The following RANBP2 variants were observed in gnomAD, a reference collection of about 807,000 sequenced individuals.
The protein encoded by RANBP2 is E3 SUMO-protein ligase RanBP2.
In RANBP2, 57 loss-of-function variants were observed where a neutral mutation model predicts 303.6. The ratio of observed to expected loss-of-function variants is 0.19; its 90% CI spans 0.15 to 0.23. RANBP2 has a LOEUF of 0.23. RANBP2 is among the 10% of genes least tolerant of loss of function. RANBP2 has a pLI of 1.00. For synonymous variants in RANBP2, 1,167 were observed against 1,301.5 expected, an observed-to-expected ratio of 0.90 and a Z score of 2.23; for missense variants, 3,138 against 3,780.8, an observed-to-expected ratio of 0.83 and a Z score of 4.46.
chr2:109,063,865 A>C, the RANBP2 span, among the ~76,000 whole-genome samples: 1 of 151,850 alleles, frequency 6.6e-6, no homozygotes, highest in Non-Finnish European at 1.5e-5. Context: ...CCTTCCCATA[A>C]TACTAAATTG....
chr2:109,432,558 G>A, the RANBP2 span: 1 of 1,613,716 alleles, frequency 6.2e-7, no homozygotes, highest in South Asian at 1.1e-5. Flanking sequence ...AGCTGCACAA[G>A]GGAGAGATGT....
chr2:109,382,145 T>C, the RANBP2 span, among the ~76,000 whole-genome samples: 2 of 152,228 alleles, frequency 1.3e-5, no homozygotes, highest in African/African-American at 4.8e-5. Flanking sequence ...CAGAGGGGTC[T>C]GATAGCACCT....
the RANBP2 span, among the ~76,000 whole-genome samples, chr2:109,035,299 T>C: frequency 1.5e-4 from 23 of 152,248 alleles, no homozygotes; most frequent in South Asian, 1.5e-3. Flanking sequence ...TGTTGACTGC[T>C]GGTTCCCCCA....
chr2:108,780,620 C>G (rs1233904246), intron 25 of RANBP2, among the ~76,000 whole-genome samples: 3 of 151,822 alleles, frequency 2.0e-5, no homozygotes, highest in African/African-American at 7.3e-5. Context: ...ACTTCTGCCC[C>G]CCAGGTTGAA....
the RANBP2 span, among the ~76,000 whole-genome samples, chr2:108,818,092 G>C: frequency 6.6e-6 from 1 of 152,128 alleles, no homozygotes; most frequent in Non-Finnish European, 1.5e-5. Flanking sequence ...GATTGCTTGA[G>C]CCTAGGGGTT....
At chr2:109,200,954 G>A in the RANBP2 span, among the ~76,000 whole-genome samples, 1 of 152,168 alleles carries the variant, frequency 6.6e-6, no homozygotes, top group African/African-American at 2.4e-5. Flanking sequence ...GTGGCCCGGG[G>A]CCCACCCACA....
chr2:109,105,917 A>G, the RANBP2 span, among the ~76,000 whole-genome samples: 2 of 145,448 alleles, frequency 1.4e-5, no homozygotes, highest in African/African-American at 2.6e-5. Context: ...GCAGTGGCAC[A>G]GTCTCGGCTC....
the RANBP2 span, among the ~76,000 whole-genome samples, chr2:108,924,228 G>A: frequency 3.7e-4 from 57 of 152,314 alleles, 1 homozygote; most frequent in African/African-American, 1.1e-3. Flanking sequence ...TGCCAGCCCC[G>A]TGGCTATATG....
At chr2:108,916,925 G>A in the RANBP2 span, among the ~76,000 whole-genome samples, 1 of 152,164 alleles carries the variant, frequency 6.6e-6, no homozygotes, top group Non-Finnish European at 1.5e-5. Flanking sequence ...TGCCCAAGGA[G>A]CAGGAGGACA....
the RANBP2 span, among the ~76,000 whole-genome samples, chr2:109,078,085 T>TA: frequency 8.8e-5 from 1 of 11,428 alleles, no homozygotes; most frequent in East Asian, 8.4e-4. Context: ...TGAATATATA[T>TA]ATATATATAT....
chr2:109,004,656 ACT>A, the RANBP2 span, among the ~76,000 whole-genome samples: 1 of 151,748 alleles, frequency 6.6e-6, no homozygotes, highest in Non-Finnish European at 1.5e-5. Flanking sequence ...TTCTCTCTCC[ACT>A]CTCTCAGGTT....
chr2:109,145,914 C>T, the RANBP2 span, among the ~76,000 whole-genome samples: 1 of 152,148 alleles, frequency 6.6e-6, no homozygotes, highest in East Asian at 1.9e-4. Flanking sequence ...AGCCCTGGAG[C>T]CCGAATGCCT....
the RANBP2 span, among the ~76,000 whole-genome samples, chr2:108,825,271 GTTTT>G: frequency 8.4e-5 from 7 of 83,604 alleles, no homozygotes; most frequent in Non-Finnish European, 2.4e-4. Flanking sequence ...CTGGTGGTGG[GTTTT>G]TTGTTTGTTT....
At chr2:108,925,306 G>T in the RANBP2 span, among the ~76,000 whole-genome samples, 1 of 152,258 alleles carries the variant, frequency 6.6e-6, no homozygotes, top group African/African-American at 2.4e-5. Context: ...GAGGTGGACA[G>T]AGGCCCCAAA....
the RANBP2 span, among the ~76,000 whole-genome samples, chr2:109,266,514 C>G: frequency 2.0e-5 from 3 of 152,150 alleles, no homozygotes; most frequent in South Asian, 6.2e-4. Flanking sequence ...GCCTTCAACT[C>G]TCATTGTTCT....
the RANBP2 span, among the ~76,000 whole-genome samples, chr2:109,189,198 C>G: frequency 6.6e-6 from 1 of 151,802 alleles, no homozygotes; most frequent in Admixed American, 6.6e-5. Flanking sequence ...GCTTCTGATA[C>G]CCCCGAGATA....
chr2:109,607,485 AAAAT>A, the RANBP2 span, among the ~76,000 whole-genome samples: 5 of 152,198 alleles, frequency 3.3e-5, no homozygotes, highest in Non-Finnish European at 7.3e-5. Context: ...TGGGAGGACA[AAAAT>A]AAATAAATAA....
At chr2:109,363,376 C>T in the RANBP2 span, among the ~76,000 whole-genome samples, 1 of 152,210 alleles carries the variant, frequency 6.6e-6, no homozygotes, top group Non-Finnish European at 1.5e-5. Flanking sequence ...CCCTCCTGTT[C>T]CTTGTATCAT....
At chr2:109,462,426 G>T in the RANBP2 span, among the ~76,000 whole-genome samples, 1 of 152,118 alleles carries the variant, frequency 6.6e-6, no homozygotes, top group African/African-American at 2.4e-5. Flanking sequence ...GGCATCTGCA[G>T]TTGGAGTCAC....
Sources: gnomAD v4.1 joint callset for allele counts (sites outside exome capture counted in the v4.1 genomes callset) on GRCh38, gnomAD v4.1.1 for gene constraint, MANE v1.5 for transcripts, NCBI Gene and HGNC (gene_info 2026-07-23, HGNC 2026-07-21) for gene names.